TENM2: variants seen among roughly 807,000 people sequenced by gnomAD.
TENM2 encodes teneurin transmembrane protein 2.
A neutral mutation model predicts 245.2 loss-of-function variants in TENM2; 52 were observed. The observed-to-expected ratio is 0.21, with a 90% CI of 0.17 to 0.27. The LOEUF is 0.27. Ranked by LOEUF, TENM2 falls within the 10% of genes least tolerant of loss-of-function variation. TENM2 has a pLI of 1.00. For missense variants in TENM2, 3,046 were observed against 3,666.8 expected, an observed-to-expected ratio of 0.83 and a Z score of 4.37; for synonymous variants, 1,363 against 1,438.9, an observed-to-expected ratio of 0.95 and a Z score of 1.19.
intron 2 of TENM2, among the ~76,000 whole-genome samples, chr5:167,736,659 A>G (rs975430799): frequency 2.0e-5 from 3 of 149,692 alleles, no homozygotes; most frequent in African/African-American, 7.4e-5. Flanking sequence ...CCAGTCACCT[A>G]GGACCTCCAC....
chr5:167,368,081 G>A (rs187382527), intron 1 of TENM2, among the ~76,000 whole-genome samples: 2 of 151,680 alleles, frequency 1.3e-5, no homozygotes, highest in Non-Finnish European at 2.9e-5. Context: ...TTAGAAAAAG[G>A]CCGCTTAAAA....
At chr5:168,161,725 C>G (rs1757756868) in intron 12 of TENM2, among the ~76,000 whole-genome samples, 1 of 151,880 alleles carries the variant, frequency 6.6e-6, no homozygotes, top group African/African-American at 2.4e-5. Context: ...AAACTCAGGT[C>G]AGGAGAGTGC....
intron 23 of TENM2, among the ~76,000 whole-genome samples, chr5:168,219,824 CA>C (rs70976468): frequency 0.054 from 2,674 of 49,584 alleles, 2 homozygotes; most frequent in Non-Finnish European, 0.063. Flanking sequence ...GTTGGCACAG[CA>C]AAAAAAAAAA....
chr5:167,719,192 T>C (rs745803236), intron 2 of TENM2, among the ~76,000 whole-genome samples: 4 of 152,230 alleles, frequency 2.6e-5, no homozygotes, highest in Non-Finnish European at 5.9e-5. Context: ...GAAGATTCCA[T>C]TCCTATTAAA....
In TENM2 at chr5:167,930,922, C is replaced by T. The variant is rs111338788; in HGVS notation, c.713-21666C>T. Among the ~76,000 whole-genome samples, 790 of 152,142 alleles carry T rather than the reference C, an allele frequency of 5.2e-3. 8 individuals are homozygous for T. Among genetic ancestry groups the T allele is most frequent in the African/African-American group, 0.017 (709 of 41,480 alleles). Reference sequence around the variant, plus strand: ...CACTTATTAAGCAATGTGTGCACACCGTATAGTTGCATAAGGTTTACAACT... The same window carrying T: ...CACTTATTAAGCAATGTGTGCACACTGTATAGTTGCATAAGGTTTACAACT... On this transcript the variant is annotated intron_variant, in intron 3 of 28. Coordinates refer to ENST00000518659, the Ensembl canonical transcript of TENM2.
chr5:167,968,571 A>T (rs962521216), intron 4 of TENM2, among the ~76,000 whole-genome samples: 1 of 152,188 alleles, frequency 6.6e-6, no homozygotes, highest in African/African-American at 2.4e-5. Flanking sequence ...CAATAATACG[A>T]CCTTTAAATT....
At chr5:167,966,243 C>T (rs941093607) in intron 4 of TENM2, among the ~76,000 whole-genome samples, 1 of 152,130 alleles carries the variant, frequency 6.6e-6, no homozygotes, top group East Asian at 1.9e-4. Context: ...TGCAGATTGA[C>T]AAGGGAGAAT....
At chr5:168,208,542 C>A (rs891276489) in intron 19 of TENM2, among the ~76,000 whole-genome samples, 1 of 152,228 alleles carries the variant, frequency 6.6e-6, no homozygotes, top group Admixed American at 6.5e-5. Context: ...CTGAGAGTTT[C>A]AGCCAGGACA....
chr5:167,749,230 T>G (rs1189327101), intron 2 of TENM2, among the ~76,000 whole-genome samples: 1 of 152,086 alleles, frequency 6.6e-6, no homozygotes. Context: ...AGAACGGATA[T>G]GAACAGAGAG....
At position 167,746,710 on chromosome 5, in the gene TENM2, A is replaced by AGAGAGAGAGAGC. The variant is rs761614775; in HGVS notation, c.503-129271_503-129270insAGAGAGCGAGAG. 7.3e-3 allele frequency among the ~76,000 whole-genome samples: 1,054 copies of AGAGAGAGAGAGC among 144,852 alleles called. 9 individuals carry two copies. The highest frequency in any genetic ancestry group is 0.017 in the African/African-American group (657 of 39,044). On this transcript the variant is annotated intron_variant, in intron 2 of 28. Coordinates refer to ENST00000518659, the Ensembl canonical transcript of TENM2. Reference sequence around the variant, plus strand: ...GAGAGAGAGAGAGAGAGAGAGAGAGAGAGAGCTGGACTCTACACAATTAGT... The same window carrying AGAGAGAGAGAGC: ...GAGAGAGAGAGAGAGAGAGAGAGAGAGAGAGAGAGAGCGAGAGCTGGACTCTACACAATTAGT...
the TENM2 span, among the ~76,000 whole-genome samples, chr5:167,110,000 C>G: frequency 6.6e-5 from 10 of 152,012 alleles, no homozygotes; most frequent in Non-Finnish European, 1.2e-4. Context: ...AAATAAAGAA[C>G]CTTATATGCT....
chr5:167,619,432 T>G (rs1423986376), intron 2 of TENM2, among the ~76,000 whole-genome samples: 1 of 152,114 alleles, frequency 6.6e-6, no homozygotes, highest in African/African-American at 2.4e-5. Context: ...ATCTGTGAAA[T>G]TGAACCTAGA....
At chr5:167,656,670 C>T (rs572549311) in intron 2 of TENM2, among the ~76,000 whole-genome samples, 4 of 151,854 alleles carry the variant, frequency 2.6e-5, no homozygotes, top group Admixed American at 6.6e-5. Context: ...TAAATATATG[C>T]GTTTTTAAAA....
intron 27 of TENM2, among the ~76,000 whole-genome samples, chr5:168,251,437 G>C (rs748708979): frequency 2.6e-5 from 4 of 152,164 alleles, no homozygotes; most frequent in Non-Finnish European, 5.9e-5. Flanking sequence ...AACCATTAGA[G>C]AGTCTAAAAT....
chr5:167,120,644 A>G, the TENM2 span, among the ~76,000 whole-genome samples: 10 of 152,192 alleles, frequency 6.6e-5, no homozygotes, highest in East Asian at 7.7e-4. Context: ...TGGACCTAAT[A>G]TTTGGGCACT....
chr5:167,586,178 C>A (rs77789467), intron 2 of TENM2, among the ~76,000 whole-genome samples: 1 of 151,958 alleles, frequency 6.6e-6, no homozygotes, highest in Non-Finnish European at 1.5e-5. Flanking sequence ...AATAAAAAAA[C>A]AGGTGATATA....
intron 2 of TENM2, among the ~76,000 whole-genome samples, chr5:167,725,474 A>T (rs1302931323): frequency 6.6e-6 from 1 of 152,180 alleles, no homozygotes; most frequent in Non-Finnish European, 1.5e-5. Context: ...GCCGCTGACC[A>T]CGTGCTGCCT....
intron 2 of TENM2, among the ~76,000 whole-genome samples, chr5:167,622,751 TAA>T (rs1325965808): frequency 6.6e-6 from 1 of 152,118 alleles, no homozygotes; most frequent in African/African-American, 2.4e-5. Context: ...GAAAGAGGGA[TAA>T]GTCTTGAGAG....
chr5:167,886,576 A>G (rs1313666424), intron 3 of TENM2, among the ~76,000 whole-genome samples: 1 of 152,238 alleles, frequency 6.6e-6, no homozygotes, highest in Non-Finnish European at 1.5e-5. Flanking sequence ...TATTTATAGA[A>G]CTGGAGATAA....
Sources: allele counts gnomAD v4.1 joint callset (sites outside exome capture counted in the v4.1 genomes callset), GRCh38; gene constraint gnomAD v4.1.1; transcripts MANE v1.5; gene names NCBI Gene and HGNC (gene_info 2026-07-23, HGNC 2026-07-21).